The following PRELID2 variants were observed in gnomAD, a reference collection of about 807,000 sequenced individuals.
PRELID2 encodes the protein PRELI domain containing 2.
A neutral mutation model predicts 28.4 loss-of-function variants in PRELID2; 25 were observed. The ratio of observed to expected loss-of-function variants is 0.88; its 90% confidence interval spans 0.64 to 1.23. The LOEUF is 1.23. Among genes scored for constraint, PRELID2 ranks in the 50% most tolerant of loss-of-function variants. The probability of loss-of-function intolerance (pLI) is 0.00; values close to 1 mark genes in which losing one functional copy is unlikely to be tolerated. For synonymous variants in PRELID2, 76 were observed against 71.6 expected, an observed-to-expected ratio of 1.06 and a Z score of -0.31; for missense variants, 201 against 214.4, an observed-to-expected ratio of 0.94 and a Z score of 0.39.
At chr5:145,407,380 A>T in the PRELID2 span, among the ~76,000 whole-genome samples, 1 of 152,122 alleles carries the variant, frequency 6.6e-6, no homozygotes, top group African/African-American at 2.4e-5. Context: ...GGGCAGAGGC[A>T]GCCATAATCC....
the PRELID2 span, among the ~76,000 whole-genome samples, chr5:145,312,645 T>C: frequency 6.6e-6 from 1 of 152,290 alleles, no homozygotes; most frequent in East Asian, 1.9e-4. Flanking sequence ...TCACTTAACA[T>C]AATGCCCTCC....
intron 1 of PRELID2, among the ~76,000 whole-genome samples, chr5:145,690,906 A>G (rs976282066): frequency 6.6e-6 from 1 of 152,224 alleles, no homozygotes; most frequent in African/African-American, 2.4e-5. Context: ...GTTCAGCCTC[A>G]CTAGCAATCA....
At chr5:145,781,628 T>C (rs1456622341) in intron 5 of PRELID2, among the ~76,000 whole-genome samples, 1 of 137,152 alleles carries the variant, frequency 7.3e-6, no homozygotes, top group Non-Finnish European at 1.5e-5. Flanking sequence ...ATATACTATA[T>C]ATATACACAC....
chr5:145,617,501 A>T (rs1753715253), intron 1 of PRELID2, among the ~76,000 whole-genome samples: 1 of 152,208 alleles, frequency 6.6e-6, no homozygotes, highest in South Asian at 2.1e-4. Context: ...TTCCCTCAAC[A>T]GGTTGGGTCA....
chr5:145,734,060 G>C (rs1581112883), intron 1 of PRELID2, among the ~76,000 whole-genome samples: 1 of 152,092 alleles, frequency 6.6e-6, no homozygotes, highest in Non-Finnish European at 1.5e-5. Context: ...AAAGAAAGGG[G>C]ACAGATCTCT....
chr5:145,398,684 T>C, the PRELID2 span, among the ~76,000 whole-genome samples: 1 of 152,134 alleles, frequency 6.6e-6, no homozygotes, highest in East Asian at 1.9e-4. Flanking sequence ...ACAATGTTCC[T>C]GTTCACGTGG....
downstream of PRELID2, among the ~76,000 whole-genome samples, chr5:145,467,751 C>T (rs1217849259): frequency 2.0e-5 from 3 of 147,190 alleles, no homozygotes; most frequent in Non-Finnish European, 4.5e-5. Context: ...CATTCTACCG[C>T]CTGACTTTAC....
chr5:145,282,065 T>C, the PRELID2 span, among the ~76,000 whole-genome samples: 1 of 152,194 alleles, frequency 6.6e-6, no homozygotes, highest in Non-Finnish European at 1.5e-5. Flanking sequence ...TTTTTAATAC[T>C]GATACAAAAA....
the PRELID2 span, among the ~76,000 whole-genome samples, chr5:145,372,988 A>ATATATTACAACATATATAATATATATAT: frequency 5.8e-5 from 6 of 104,094 alleles, no homozygotes; most frequent in Admixed American, 4.9e-4. Flanking sequence ...ATATGATATT[A>ATATATTACAACATATATAATATATATAT]TATATTACAA....
At chr5:145,281,912 A>C in the PRELID2 span, among the ~76,000 whole-genome samples, 2 of 152,210 alleles carry the variant, frequency 1.3e-5, no homozygotes, top group African/African-American at 2.4e-5. Flanking sequence ...CTCTAAAACT[A>C]AACTTTATCA....
the PRELID2 span, among the ~76,000 whole-genome samples, chr5:145,439,675 A>C: frequency 8.5e-3 from 1,292 of 151,864 alleles, 21 homozygotes; most frequent in African/African-American, 0.029. Flanking sequence ...TCTCCATCCT[A>C]TCCCTCACTA....
At chr5:145,671,249 A>C (rs1454323513) in intron 1 of PRELID2, among the ~76,000 whole-genome samples, 2 of 152,186 alleles carry the variant, frequency 1.3e-5, no homozygotes, top group Non-Finnish European at 2.9e-5. Context: ...GATATAGTTC[A>C]TATAAATTAT....
At chr5:145,245,675 C>T in the PRELID2 span, among the ~76,000 whole-genome samples, 1 of 152,070 alleles carries the variant, frequency 6.6e-6, no homozygotes. Context: ...AAAATCCTTC[C>T]TGTTGATTCA....
chr5:145,692,007 G>A (rs1321635785), intron 1 of PRELID2, among the ~76,000 whole-genome samples: 1 of 152,090 alleles, frequency 6.6e-6, no homozygotes, highest in Non-Finnish European at 1.5e-5. Context: ...CCTATCACAA[G>A]CGAGTCCTCC....
At chr5:145,334,220 C>T in the PRELID2 span, among the ~76,000 whole-genome samples, 4 of 152,114 alleles carry the variant, frequency 2.6e-5, no homozygotes, top group African/African-American at 9.7e-5. Flanking sequence ...TACTATTTGG[C>T]CATCTTGCCA....
intron 1 of PRELID2, among the ~76,000 whole-genome samples, chr5:145,712,460 T>C (rs531901629): frequency 2.6e-4 from 39 of 152,300 alleles, no homozygotes; most frequent in African/African-American, 9.1e-4. Context: ...AGCCAAGACT[T>C]TTCTTTCCAA....
chr5:145,780,921 C>T (rs1751541306), intron 5 of PRELID2, among the ~76,000 whole-genome samples: 1 of 152,116 alleles, frequency 6.6e-6, no homozygotes, highest in Non-Finnish European at 1.5e-5. Flanking sequence ...AGGAAAGAAG[C>T]TAGCCAAGGA....
chr5:145,419,189 T>A, the PRELID2 span, among the ~76,000 whole-genome samples: 1 of 150,702 alleles, frequency 6.6e-6, no homozygotes, highest in Non-Finnish European at 1.5e-5. Flanking sequence ...GCAATAAGCA[T>A]ACGTGTGCAT....
the PRELID2 span, among the ~76,000 whole-genome samples, chr5:145,390,511 C>G: frequency 6.6e-6 from 1 of 152,138 alleles, no homozygotes; most frequent in African/African-American, 2.4e-5. Context: ...TTGAGAACAG[C>G]ATAAGGGTAA....
Sources: gnomAD v4.1 joint callset for allele counts (sites outside exome capture counted in the v4.1 genomes callset) on GRCh38, gnomAD v4.1.1 for gene constraint, MANE v1.5 for transcripts, NCBI Gene and HGNC (gene_info 2026-07-23, HGNC 2026-07-21) for gene names.